Variants in TSC22D1 observed in about 807,000 individuals in gnomAD.
TSC22D1 encodes TSC22 domain family member 1.
TSC22D1 carries 9 observed loss-of-function variants against 74.2 expected under a neutral mutation model. The ratio of observed to expected loss-of-function variants is 0.12; its 90% confidence interval spans 0.07 to 0.21. The LOEUF (loss-of-function observed/expected upper bound fraction) is 0.21, where lower values mean the gene tolerates loss of function less well. Ranked by LOEUF, TSC22D1 falls within the 10% of genes least tolerant of loss-of-function variation. TSC22D1 has a pLI of 1.00. For synonymous variants in TSC22D1, 586 were observed against 492.5 expected (o/e 1.19, Z -2.51); for missense variants, 1,427 against 1,304.7 (o/e 1.09, Z -1.44).
chr13:44,514,679 G>A (rs1191146774), intron 1 of TSC22D1, among the ~76,000 whole-genome samples: 1 of 152,114 alleles, frequency 6.6e-6, no homozygotes, highest in Non-Finnish European at 1.5e-5. Flanking sequence ...GGCCAACAAG[G>A]TGAAACCACG....
At position 44,483,846 on chromosome 13, in the gene TSC22D1, G is replaced by A. The variant is rs181857748; in HGVS notation, c.2913-47751C>T. 4.6e-5 allele frequency among the ~76,000 whole-genome samples: 7 copies of A among 152,214 alleles called. No individual in the cohort carries two copies. In the South Asian group the frequency reaches 6.2e-4, roughly 14 times the overall value. ...ATATGCCATTGGGAAAAATCCAAAC[G>A]TACACCAAGAAGTAATTATTCTGAC... On this transcript the variant is annotated intron_variant, in intron 1 of 2. Coordinates refer to ENST00000458659, the MANE Select transcript of TSC22D1 (RefSeq NM_183422.4).
chr13:44,536,925 T>TAA, intron 1 of TSC22D1: 1 of 608,574 alleles, frequency 1.6e-6, no homozygotes, highest in Non-Finnish European at 1.8e-6. Context: ...AGTATTTTTC[T>TAA]GAAAAAAAAA....
At chr13:44,561,724 A>G (rs1407328079) in intron 1 of TSC22D1, among the ~76,000 whole-genome samples, 1 of 152,148 alleles carries the variant, frequency 6.6e-6, no homozygotes, top group African/African-American at 2.4e-5. Context: ...CCCAAATGCG[A>G]TTAGATTTCC....
intron 1 of TSC22D1, among the ~76,000 whole-genome samples, chr13:44,571,684 CATG>C (rs965850585): frequency 4.6e-5 from 7 of 152,006 alleles, no homozygotes; most frequent in East Asian, 1.9e-4. Context: ...TGAGTATTAG[CATG>C]ATAAAATTAA....
intron 1 of TSC22D1, among the ~76,000 whole-genome samples, chr13:44,554,289 T>C (rs997214888): frequency 1.3e-5 from 2 of 152,204 alleles, no homozygotes; most frequent in African/African-American, 2.4e-5. Flanking sequence ...TAAGATGAGA[T>C]GCCAGGGCTG....
intron 1 of TSC22D1, among the ~76,000 whole-genome samples, chr13:44,570,452 A>G (rs1329211959): frequency 1.3e-5 from 2 of 152,100 alleles, no homozygotes; most frequent in Non-Finnish European, 1.5e-5. Context: ...TCAGCCTCCC[A>G]AAGTGCTGGG....
Position 44,574,331 on chromosome 13 carries a change from C to A in TSC22D1, c.1744G>T (p.Val582Leu). The change falls in exon 1 of 3, where the codon GTA becomes TTA. Residue 582 changes from valine to leucine, a missense_variant. Physicochemically the swap from Val to Leu is conservative, Grantham distance 32. Transcript: ENST00000458659. ...SAATGIQPSP[V>L]NVVGVTSALG... ...GCTGAAGTTACACCAACCACATTTA[C>A]AGGCGATGGCTGGATACCAGTTGCA... 2 of 1,614,262 alleles carry A rather than the reference C, an allele frequency of 1.2e-6. No homozygotes were observed. The highest frequency in any genetic ancestry group is 2.7e-5 in the African/African-American group (2 of 75,064).
intron 1 of TSC22D1, among the ~76,000 whole-genome samples, chr13:44,474,956 A>G (rs1316247596): frequency 6.6e-6 from 1 of 152,172 alleles, no homozygotes; most frequent in Non-Finnish European, 1.5e-5. Context: ...CTCTAGCCCT[A>G]GAAATATACT....
intron 1 of TSC22D1, among the ~76,000 whole-genome samples, chr13:44,498,859 A>C (rs1164330405): frequency 2.0e-5 from 3 of 152,208 alleles, no homozygotes; most frequent in Non-Finnish European, 4.4e-5. Flanking sequence ...AAGTAAAACA[A>C]GAGCTTTTGA....
chr13:44,484,497 C>T (rs563906121), intron 1 of TSC22D1, among the ~76,000 whole-genome samples: 1 of 152,212 alleles, frequency 6.6e-6, no homozygotes, highest in East Asian at 1.9e-4. Flanking sequence ...ACATACGTTA[C>T]TTTAATTAGT....
At chr13:44,455,764 G>A (rs1250703944) in intron 1 of TSC22D1, among the ~76,000 whole-genome samples, 6 of 152,140 alleles carry the variant, frequency 3.9e-5, no homozygotes, top group Non-Finnish European at 5.9e-5. Context: ...TTCTGACTAA[G>A]CATGGTGCAC....
chr13:44,483,595 G>A (rs113592809), intron 1 of TSC22D1, among the ~76,000 whole-genome samples: 37 of 151,998 alleles, frequency 2.4e-4, no homozygotes, highest in African/African-American at 8.9e-4. Flanking sequence ...GTGAACCCGG[G>A]AGGCGGAGCT....
At chr13:44,474,331 C>T (rs901758898) in intron 1 of TSC22D1, 2 of 968,646 alleles carry the variant, frequency 2.1e-6, no homozygotes, top group Non-Finnish European at 2.5e-6. Flanking sequence ...CAAACAAGTG[C>T]TTCAGGAAGT....
intron 1 of TSC22D1, among the ~76,000 whole-genome samples, chr13:44,444,278 CAAAAAAAAAAAAAAAAAA>C (rs71070905): frequency 1.1e-4 from 2 of 17,582 alleles, no homozygotes; most frequent in Admixed American, 1.1e-3. Flanking sequence ...GACTCTGTCT[CAAAAAAAAAAAAAAAAAA>C]AAAAAAAAAA....
At chr13:44,509,853 A>G (rs1879607773) in intron 1 of TSC22D1, among the ~76,000 whole-genome samples, 1 of 151,104 alleles carries the variant, frequency 6.6e-6, no homozygotes, top group Non-Finnish European at 1.5e-5. Flanking sequence ...AAAAAGAGAC[A>G]GTTGAAAGAA....
intron 1 of TSC22D1, among the ~76,000 whole-genome samples, chr13:44,567,986 G>C (rs1483683962): frequency 2.0e-5 from 3 of 151,858 alleles, no homozygotes; most frequent in Non-Finnish European, 2.9e-5. Context: ...GAAAAGGAAG[G>C]GAAGGAAAAA....
intron 1 of TSC22D1, among the ~76,000 whole-genome samples, chr13:44,532,214 C>T (rs1206476826): frequency 6.6e-6 from 1 of 152,192 alleles, no homozygotes; most frequent in Non-Finnish European, 1.5e-5. Context: ...AATACAAATA[C>T]TTTGCAGATA....
intron 1 of TSC22D1, among the ~76,000 whole-genome samples, chr13:44,474,948 C>G (rs1434838980): frequency 6.6e-6 from 1 of 152,164 alleles, no homozygotes; most frequent in Non-Finnish European, 1.5e-5. Flanking sequence ...ATATTCTACT[C>G]TAGCCCTAGA....
At chr13:44,525,115 G>C (rs141408945) in intron 1 of TSC22D1, among the ~76,000 whole-genome samples, 2 of 152,086 alleles carry the variant, frequency 1.3e-5, no homozygotes, top group Non-Finnish European at 2.9e-5. Context: ...TCCACCTAAG[G>C]GGGGTAAAAA....
Sources: allele counts gnomAD v4.1 joint callset (sites outside exome capture counted in the v4.1 genomes callset), GRCh38; gene constraint gnomAD v4.1.1; transcripts MANE v1.5; gene names NCBI Gene and HGNC (gene_info 2026-07-23, HGNC 2026-07-21).